The following HS6ST3 variants were observed in gnomAD, a reference collection of about 807,000 sequenced individuals.
HS6ST3 encodes the protein heparan sulfate 6-O-sulfotransferase 3.
In HS6ST3, 12 loss-of-function variants were observed where a neutral mutation model predicts 36.7. The ratio of observed to expected loss-of-function variants is 0.33; its 90% CI spans 0.21 to 0.53. The LOEUF (loss-of-function observed/expected upper bound fraction) is 0.53, where lower values mean the gene tolerates loss of function less well. HS6ST3 is among the 20% of genes least tolerant of loss of function. HS6ST3 has a pLI of 0.95. For missense variants in HS6ST3, 584 were observed against 640.9 expected, an observed-to-expected ratio of 0.91 and a Z score of 0.96; for synonymous variants, 240 against 257.5, an observed-to-expected ratio of 0.93 and a Z score of 0.65.
intron 1 of HS6ST3, among the ~76,000 whole-genome samples, chr13:96,687,832 C>T (rs541698388): frequency 6.6e-6 from 1 of 152,038 alleles, no homozygotes; most frequent in African/African-American, 2.4e-5. Context: ...ATTGTAATTT[C>T]TCACTAAACA....
At chr13:96,158,726 G>A (rs1474051812) in intron 1 of HS6ST3, among the ~76,000 whole-genome samples, 1 of 151,368 alleles carries the variant, frequency 6.6e-6, no homozygotes, top group Non-Finnish European at 1.5e-5. Context: ...GAAGACAGCC[G>A]GGAAAGTTTA....
rs563833897 is a variant in HS6ST3 at position 96,312,624 on chromosome 13, T to C, written c.707+221055T>C. Among the ~76,000 whole-genome samples the C allele has an allele frequency of 1.6e-4, 24 of 152,270 alleles. 1 individual carries two copies. The highest frequency in any genetic ancestry group is 3.4e-3 in the Middle Eastern group (1 of 294). ...CAAATATGGCTTTATTTATTTGGAATTTATGTTATTAGCTGTATATGCATT... is the reference window on the plus strand; with the variant it reads ...CAAATATGGCTTTATTTATTTGGAACTTATGTTATTAGCTGTATATGCATT... On this transcript the variant is annotated intron_variant, in intron 1 of 1. Transcript: ENST00000376705.
intron 1 of HS6ST3, among the ~76,000 whole-genome samples, chr13:96,629,142 T>A (rs1412384064): frequency 1.3e-5 from 2 of 152,218 alleles, no homozygotes; most frequent in African/African-American, 4.8e-5. Context: ...TAGCACAATT[T>A]AAAATTATCT....
chr13:96,100,791 T>G (rs570891379), intron 1 of HS6ST3, among the ~76,000 whole-genome samples: 49 of 152,336 alleles, frequency 3.2e-4, no homozygotes, highest in African/African-American at 1.1e-3. Context: ...GAAAATGGAT[T>G]TGGGGTCCAG....
intron 1 of HS6ST3, among the ~76,000 whole-genome samples, chr13:96,423,652 G>A (rs1342087638): frequency 6.6e-6 from 1 of 151,892 alleles, no homozygotes; most frequent in African/African-American, 2.4e-5. Flanking sequence ...CGCCCCACAA[G>A]TTTGAGAACC....
chr13:96,582,943 C>G (rs1455354928), intron 1 of HS6ST3, among the ~76,000 whole-genome samples: 1 of 151,660 alleles, frequency 6.6e-6, no homozygotes, highest in Admixed American at 6.6e-5. Flanking sequence ...TATTTTATAC[C>G]AAAAATTATT....
chr13:96,723,687 A>G (rs759208324), intron 1 of HS6ST3, among the ~76,000 whole-genome samples: 3 of 152,128 alleles, frequency 2.0e-5, no homozygotes, highest in Non-Finnish European at 4.4e-5. Flanking sequence ...CCACCCATGG[A>G]TAACCTCCCA....
intron 1 of HS6ST3, among the ~76,000 whole-genome samples, chr13:96,229,626 TCCAC>T: frequency 6.6e-6 from 1 of 152,196 alleles, no homozygotes; most frequent in Non-Finnish European, 1.5e-5. Flanking sequence ...TCCCAAAGGC[TCCAC>T]CTTCAGTTAT....
intron 1 of HS6ST3, among the ~76,000 whole-genome samples, chr13:96,820,058 AGAGT>A (rs1466363631): frequency 6.6e-6 from 1 of 152,098 alleles, no homozygotes; most frequent in Non-Finnish European, 1.5e-5. Context: ...CCTGGGCAAT[AGAGT>A]GAGACTCTGT....
At chr13:96,462,794 A>T (rs1003971654) in intron 1 of HS6ST3, among the ~76,000 whole-genome samples, 3 of 152,210 alleles carry the variant, frequency 2.0e-5, no homozygotes, top group Admixed American at 6.5e-5. Context: ...CTGTGTGTCT[A>T]TGTATGTTTG....
intron 1 of HS6ST3, among the ~76,000 whole-genome samples, chr13:96,608,681 T>C (rs2056447204): frequency 6.6e-6 from 1 of 152,200 alleles, no homozygotes; most frequent in Non-Finnish European, 1.5e-5. Flanking sequence ...ACTTAAACTA[T>C]ATCAGGTTTT....
chr13:96,777,149 T>A (rs879185619), intron 1 of HS6ST3, among the ~76,000 whole-genome samples: 4 of 152,146 alleles, frequency 2.6e-5, no homozygotes, highest in Non-Finnish European at 5.9e-5. Flanking sequence ...CACCCCTTCA[T>A]GCTAAAAACA....
chr13:96,363,905 C>T (rs1246432947), intron 1 of HS6ST3, among the ~76,000 whole-genome samples: 1 of 151,748 alleles, frequency 6.6e-6, no homozygotes, highest in African/African-American at 2.4e-5. Flanking sequence ...CTATTTCTCT[C>T]CTTTGTTGTA....
chr13:96,381,201 G>A (rs2055338856), intron 1 of HS6ST3, among the ~76,000 whole-genome samples: 1 of 152,222 alleles, frequency 6.6e-6, no homozygotes, highest in South Asian at 2.1e-4. Flanking sequence ...TACGCTCAGT[G>A]GGCACTGCTA....
At chr13:96,295,664 C>G (rs1431723835) in intron 1 of HS6ST3, among the ~76,000 whole-genome samples, 3 of 152,050 alleles carry the variant, frequency 2.0e-5, no homozygotes, top group Non-Finnish European at 4.4e-5. Flanking sequence ...AAAAGCCTGC[C>G]AGGCTTTATT....
chr13:96,833,777 C>T lies in HS6ST3; in HGVS notation c.*579C>T, dbSNP rs1443015907. 1 of 152,472 alleles carries T rather than the reference C, an allele frequency of 6.6e-6. No homozygotes were observed. The highest frequency in any genetic ancestry group is 1.5e-5 in the Non-Finnish European group (1 of 68,310). The allele number at this position is 152,472 out of a possible 1,614,324, so 9.4% of individuals were successfully genotyped here. A position where few individuals can be genotyped will look rare whatever the true frequency, so the allele number is the denominator to read the frequency against. Reference sequence around the variant, plus strand: ...TTTTGTTGTTGCAGTTGTTTTGAAACAAAATTATCCTATTATTGACCATTG... The same window carrying T: ...TTTTGTTGTTGCAGTTGTTTTGAAATAAAATTATCCTATTATTGACCATTG... On this transcript the variant is annotated 3_prime_UTR_variant, in exon 2 of 2. Coordinates refer to ENST00000376705, the MANE Select transcript of HS6ST3 (RefSeq NM_153456.4).
intron 1 of HS6ST3, among the ~76,000 whole-genome samples, chr13:96,399,815 G>A (rs534881405): frequency 2.8e-4 from 43 of 152,212 alleles, no homozygotes; most frequent in Non-Finnish European, 5.6e-4. Context: ...GTTTATTTGT[G>A]TATTTACTGT....
At chr13:96,801,619 C>T (rs1023058240) in intron 1 of HS6ST3, among the ~76,000 whole-genome samples, 1 of 151,972 alleles carries the variant, frequency 6.6e-6, no homozygotes, top group Non-Finnish European at 1.5e-5. Context: ...TGGCTGTTGT[C>T]CCTTGAGGGA....
intron 1 of HS6ST3, among the ~76,000 whole-genome samples, chr13:96,186,019 A>G (rs1165632516): frequency 6.6e-6 from 1 of 152,196 alleles, no homozygotes; most frequent in Non-Finnish European, 1.5e-5. Flanking sequence ...GTATGTATGT[A>G]TGTGTGGATA....
Sources: allele counts gnomAD v4.1 joint callset (sites outside exome capture counted in the v4.1 genomes callset), GRCh38; gene constraint gnomAD v4.1.1; transcripts MANE v1.5; gene names NCBI Gene and HGNC (gene_info 2026-07-23, HGNC 2026-07-21).